Variants in BRINP3 observed in about 807,000 individuals in gnomAD.
BRINP3 encodes the protein BMP/retinoic acid-inducible neural-specific protein 3.
Under a neutral mutation model 71.0 loss-of-function variants are expected in BRINP3, and 19 were observed. The observed-to-expected ratio is 0.27, with a 90% CI of 0.19 to 0.39. BRINP3 has a LOEUF of 0.39. Ranked by LOEUF, BRINP3 falls within the 10% of genes least tolerant of loss-of-function variation. The probability of loss-of-function intolerance (pLI) is 1.00; values close to 1 mark genes in which losing one functional copy is unlikely to be tolerated. For missense variants in BRINP3, 959 were observed against 940.8 expected, an observed-to-expected ratio of 1.02 and a Z score of -0.25; for synonymous variants, 380 against 337.7, an observed-to-expected ratio of 1.13 and a Z score of -1.37.
chr1:190,277,119 T>TATATATATATATA (rs1401150849), intron 3 of BRINP3, among the ~76,000 whole-genome samples: 45 of 26,938 alleles, frequency 1.7e-3, no homozygotes, highest in South Asian at 4.6e-3. Context: ...ATATATATAT[T>TATATATATATATA]TATATTCAGA....
At chr1:190,316,963 A>C (rs753786791) in intron 2 of BRINP3, among the ~76,000 whole-genome samples, 4 of 151,970 alleles carry the variant, frequency 2.6e-5, no homozygotes, top group Non-Finnish European at 5.9e-5. Context: ...ACCTGAGGTC[A>C]GGAGTTCAAG....
At chr1:190,130,990 T>C (rs1385253233) in intron 7 of BRINP3, among the ~76,000 whole-genome samples, 1 of 151,862 alleles carries the variant, frequency 6.6e-6, no homozygotes, top group Non-Finnish European at 1.5e-5. Flanking sequence ...CCCTATCACC[T>C]TGGGTTCTTT....
At chr1:190,350,719 T>G (rs964491127) in intron 2 of BRINP3, among the ~76,000 whole-genome samples, 5 of 151,968 alleles carry the variant, frequency 3.3e-5, no homozygotes, top group African/African-American at 1.2e-4. Context: ...ATAACCCAAA[T>G]GACATAGCAG....
In BRINP3 at chr1:190,405,008, T is replaced by C. The variant is rs184944397; in HGVS notation, c.236+49647A>G. On this transcript the variant is annotated intron_variant, in intron 2 of 7. Transcript: ENST00000367462. ...TTTCTAATACATAGAACCAAATATA[T>C]TAAAAAATGAACCAAAAAGAAAGCG... Among the ~76,000 whole-genome samples the C allele has an allele frequency of 2.5e-4, 38 of 152,236 alleles. No homozygotes were observed. The East Asian group carries it at 7.3e-3, about 29-fold the overall frequency.
At chr1:190,434,311 T>A (rs1483273786) in intron 2 of BRINP3, among the ~76,000 whole-genome samples, 1 of 151,894 alleles carries the variant, frequency 6.6e-6, no homozygotes. Flanking sequence ...GGTTTCACCA[T>A]CTTGGCCAGG....
At chr1:190,318,964 T>C (rs1666062960) in intron 2 of BRINP3, among the ~76,000 whole-genome samples, 2 of 152,158 alleles carry the variant, frequency 1.3e-5, no homozygotes. Flanking sequence ...TCACTTATTT[T>C]ATGAATTGAA....
Position 190,240,849 on chromosome 1 carries a change from G to A in BRINP3, c.619-6372C>T, listed in dbSNP as rs566914495. ...ATCGCTCTATTGCACTCCATCCTGGGCAATAAGAGTGAAACTCTGTCTCAA... is the reference window on the plus strand; with the variant it reads ...ATCGCTCTATTGCACTCCATCCTGGACAATAAGAGTGAAACTCTGTCTCAA... On this transcript the variant is annotated intron_variant, in intron 4 of 7. Coordinates refer to ENST00000367462, the MANE Select transcript of BRINP3 (RefSeq NM_199051.3). 4.7e-3 allele frequency among the ~76,000 whole-genome samples: 528 copies of A among 111,454 alleles called. 4 individuals carry two copies. Among genetic ancestry groups the A allele is most frequent in the Non-Finnish European group, 6.7e-3 (404 of 60,714 alleles). The allele number at this position is 111,454 out of a possible 152,430, so 73.1% of individuals were successfully genotyped here.
chr1:190,401,797 CAAT>C (rs1414858598), intron 2 of BRINP3, among the ~76,000 whole-genome samples: 2 of 151,932 alleles, frequency 1.3e-5, no homozygotes, highest in Non-Finnish European at 2.9e-5. Context: ...TGTAGTTGTC[CAAT>C]AATGTTATTT....
At chr1:190,403,431 G>C (rs1672064419) in intron 2 of BRINP3, among the ~76,000 whole-genome samples, 1 of 152,158 alleles carries the variant, frequency 6.6e-6, no homozygotes, top group South Asian at 2.1e-4. Flanking sequence ...CTAACAGGGT[G>C]AATACAAAAT....
intron 7 of BRINP3, among the ~76,000 whole-genome samples, chr1:190,115,359 C>T (rs192445373): frequency 6.6e-6 from 1 of 152,244 alleles, no homozygotes. Flanking sequence ...CAACACTACA[C>T]TTCAGTTTCC....
intron 6 of BRINP3, among the ~76,000 whole-genome samples, chr1:190,225,835 CTTTA>C: frequency 6.6e-6 from 1 of 151,964 alleles, no homozygotes; most frequent in East Asian, 1.9e-4. Flanking sequence ...AAAGCAAGAA[CTTTA>C]TTTATTAAGT....
At chr1:190,312,937 T>C (rs1665633913) in intron 2 of BRINP3, among the ~76,000 whole-genome samples, 1 of 150,710 alleles carries the variant, frequency 6.6e-6, no homozygotes, top group Non-Finnish European at 1.5e-5. Flanking sequence ...CTATTCAATT[T>C]GATTTTAAAC....
intron 6 of BRINP3, among the ~76,000 whole-genome samples, chr1:190,201,766 C>A (rs1251495233): frequency 3.9e-5 from 6 of 152,132 alleles, no homozygotes. Context: ...TCAAGCCTTG[C>A]CAGCTTTCCC....
At chr1:190,151,908 T>G (rs1656426781) in intron 7 of BRINP3, among the ~76,000 whole-genome samples, 1 of 152,168 alleles carries the variant, frequency 6.6e-6, no homozygotes, top group African/African-American at 2.4e-5. Context: ...GACGTGACAC[T>G]GATCTCCAAG....
intron 2 of BRINP3, among the ~76,000 whole-genome samples, chr1:190,412,224 G>A (rs1419159176): frequency 3.3e-5 from 5 of 151,842 alleles, no homozygotes; most frequent in African/African-American, 4.8e-5. Flanking sequence ...ACTGGATGAA[G>A]TTAATGGTAT....
intron 2 of BRINP3, among the ~76,000 whole-genome samples, chr1:190,318,875 CTT>C (rs1666053872): frequency 6.6e-6 from 1 of 152,004 alleles, no homozygotes; most frequent in Non-Finnish European, 1.5e-5. Context: ...CACTTTTCTG[CTT>C]AGTATGTAAT....
chr1:190,113,793 G>A (rs1308180881), intron 7 of BRINP3, among the ~76,000 whole-genome samples: 1 of 152,148 alleles, frequency 6.6e-6, no homozygotes, highest in Non-Finnish European at 1.5e-5. Context: ...TATGAAATGA[G>A]ACCTGTCCAA....
chr1:190,468,062 C>A (rs1345979869), intron 1 of BRINP3, among the ~76,000 whole-genome samples: 1 of 151,312 alleles, frequency 6.6e-6, no homozygotes, highest in Non-Finnish European at 1.5e-5. Context: ...ATCACTGTTA[C>A]TGGACTTATC....
At chr1:190,141,388 ATGTT>A (rs1204182980) in intron 7 of BRINP3, among the ~76,000 whole-genome samples, 3 of 152,000 alleles carry the variant, frequency 2.0e-5, no homozygotes, top group African/African-American at 7.2e-5. Context: ...CTTGATTGAG[ATGTT>A]TGTTTGTCTG....
Sources: gnomAD v4.1 joint callset for allele counts (sites outside exome capture counted in the v4.1 genomes callset) on GRCh38, gnomAD v4.1.1 for gene constraint, MANE v1.5 for transcripts, NCBI Gene and HGNC (gene_info 2026-07-23, HGNC 2026-07-21) for gene names.